The following AGAP1 variants were observed in gnomAD, a reference collection of about 807,000 sequenced individuals.
AGAP1 encodes the protein ArfGAP with GTPase domain, ankyrin repeat and PH domain 1, also known as arf-GAP with GTPase, ANK repeat and PH domain-containing protein 1.
A neutral mutation model predicts 105.3 loss-of-function variants in AGAP1; 29 were observed. The ratio of observed to expected loss-of-function variants is 0.28; its 90% confidence interval spans 0.21 to 0.38. The LOEUF (loss-of-function observed/expected upper bound fraction) is 0.38. AGAP1 is among the 10% of genes least tolerant of loss of function. The pLI is 1.00. For missense variants in AGAP1, 998 were observed against 1,165.1 expected, an observed-to-expected ratio of 0.86 and a Z score of 2.09; for synonymous variants, 509 against 485.9, an observed-to-expected ratio of 1.05 and a Z score of -0.63.
chr2:235,715,739 C>A (rs1951068668), intron 2 of AGAP1, among the ~76,000 whole-genome samples: 1 of 152,064 alleles, frequency 6.6e-6, no homozygotes, highest in Admixed American at 6.5e-5. Flanking sequence ...AGAGAGAGGC[C>A]CTAGAGGCTG....
In AGAP1 at chr2:235,801,955, A is replaced by G. The variant is rs1957516479; in HGVS notation, c.957+2433A>G. ...CAGCACCTTCCCATCCCCTCCCTTT[A>G]TAAGCTCTGGAACTGCAGTGTGCCA... On this transcript the variant is annotated intron_variant, in intron 8 of 17. Coordinates refer to ENST00000304032, the MANE Select transcript of AGAP1 (RefSeq NM_001037131.3). The surrounding 1 kb of genome is among the most constrained non-coding windows in gnomAD (Gnocchi z 6.0). Among the ~76,000 whole-genome samples, 1 of 152,154 alleles carries G rather than the reference A, an allele frequency of 6.6e-6. No homozygotes were observed. The highest frequency in any genetic ancestry group is 2.4e-5 in the African/African-American group (1 of 41,440).
chr2:235,902,148 G>A (rs1001589784), intron 10 of AGAP1, among the ~76,000 whole-genome samples: 1 of 152,096 alleles, frequency 6.6e-6, no homozygotes, highest in African/African-American at 2.4e-5. Context: ...CTGGATTCTC[G>A]TATCTGCTTC....
chr2:235,638,475 C>T (rs1947084783), intron 1 of AGAP1, among the ~76,000 whole-genome samples: 1 of 152,188 alleles, frequency 6.6e-6, no homozygotes, highest in South Asian at 2.1e-4. Flanking sequence ...TTAAAATAAA[C>T]ATCACAATGG....
intron 1 of AGAP1, among the ~76,000 whole-genome samples, chr2:235,680,982 T>G (rs766729706): frequency 1.6e-4 from 25 of 152,114 alleles, no homozygotes; most frequent in Non-Finnish European, 3.5e-4. Context: ...GCTGGGCAGT[T>G]TGCTGGCCTC....
At chr2:235,816,502 A>C (rs1958467926) in intron 9 of AGAP1, among the ~76,000 whole-genome samples, 1 of 151,682 alleles carries the variant, frequency 6.6e-6, no homozygotes, top group East Asian at 1.9e-4. Context: ...CAGACTTAGG[A>C]GGCCTTTCAC....
rs182362058 is a variant in AGAP1, at chr2:235,888,064, C to A, written c.1155+4615C>A. 3.3e-4 allele frequency among the ~76,000 whole-genome samples: 51 copies of A among 152,298 alleles called. 1 individual carries two copies. The East Asian group carries it at 9.1e-3, about 27-fold the overall frequency. On this transcript the variant is annotated intron_variant, in intron 10 of 17. Transcript: ENST00000304032. This position sits in a 1 kb window ranked among gnomAD's most constrained non-coding sequence, Gnocchi z 4.8. ...ACGTAAGGCTGCGCCCTGGTGCCAC[C>A]ACCAGCCTCCTTCCATTTGCTTATC...
chr2:235,512,095 G>GTGTGTGTGAGTA (rs1553555065), intron 1 of AGAP1, among the ~76,000 whole-genome samples: 7,406 of 143,574 alleles, frequency 0.052, 177 homozygotes, highest in Middle Eastern at 0.17. Flanking sequence ...GTGAATGTGT[G>GTGTGTGTGAGTA]TGTGTGTGAA....
intron 10 of AGAP1, among the ~76,000 whole-genome samples, chr2:235,884,597 C>T (rs1207120350): frequency 1.3e-5 from 2 of 151,640 alleles, no homozygotes. Context: ...ATTACAGGTG[C>T]CTGCCACCAT....
rs573881498 is a variant in AGAP1, at chr2:235,744,210, C to T, written c.397-488C>T. Among the ~76,000 whole-genome samples, 11 of 152,220 alleles carry T rather than the reference C, an allele frequency of 7.2e-5. No homozygotes were observed. The highest frequency in any genetic ancestry group is 1.0e-4 in the Non-Finnish European group (7 of 68,022). Reference sequence around the variant, plus strand: ...TTACCCTTCAACAGAGTAGGCCAGCCGCTGCGGTAGCGAGTGGGAAGGACT... The same window carrying T: ...TTACCCTTCAACAGAGTAGGCCAGCTGCTGCGGTAGCGAGTGGGAAGGACT... On this transcript the variant is annotated intron_variant, in intron 4 of 17. Transcript: ENST00000304032. This position sits in a 1 kb window ranked among gnomAD's most constrained non-coding sequence, Gnocchi z 5.2.
chr2:236,091,130 G>T (rs1212945621), intron 16 of AGAP1, among the ~76,000 whole-genome samples: 1 of 152,210 alleles, frequency 6.6e-6, no homozygotes, highest in African/African-American at 2.4e-5. Context: ...ACGTGCATGC[G>T]TGTTTGCATA....
chr2:235,775,077 G>A (rs1041239057), intron 6 of AGAP1, among the ~76,000 whole-genome samples: 7 of 152,184 alleles, frequency 4.6e-5, no homozygotes, highest in African/African-American at 1.7e-4. Context: ...AGGACTGGGT[G>A]AACAGAAGGG....
rs1035077849 is a variant in AGAP1, at chr2:235,962,350, T to G, written c.1484-6112T>G. The stretch of plus-strand genomic sequence containing the variant: ...GGCTGGAAGTCAGTGAAGTTGGGGC[T>G]TCCTACTCAGGAGAGATGGTGGGAG... On this transcript the variant is annotated intron_variant, in intron 12 of 17. Coordinates refer to ENST00000304032, the MANE Select transcript of AGAP1 (RefSeq NM_001037131.3). This position sits in a 1 kb window ranked among gnomAD's most constrained non-coding sequence, Gnocchi z 5.3. 2.0e-5 allele frequency among the ~76,000 whole-genome samples: 3 copies of G among 152,106 alleles called. No individual in the cohort carries two copies. The highest frequency in any genetic ancestry group is 4.8e-5 in the African/African-American group (2 of 41,418).
rs1952597481 is a variant in AGAP1, at chr2:235,741,736, T to C, written c.396+688T>C. ...TTATTGTTGTTGTTGTTATTATTAT[T>C]ATTGTTATTTTTTATTATTTATTTA... On this transcript the variant is annotated intron_variant, in intron 4 of 17. Transcript: ENST00000304032. This position sits in a 1 kb window ranked among gnomAD's most constrained non-coding sequence, Gnocchi z 4.9. Among the ~76,000 whole-genome samples the C allele has an allele frequency of 6.6e-6, 1 of 150,796 alleles. No individual in the cohort carries two copies. The highest frequency in any genetic ancestry group is 1.5e-5 in the Non-Finnish European group (1 of 67,836).
In AGAP1 at chr2:235,960,904, G is replaced by A. The variant is rs933139404; in HGVS notation, c.1484-7558G>A. On this transcript the variant is annotated intron_variant, in intron 12 of 17. Transcript: ENST00000304032. This position sits in a 1 kb window ranked among gnomAD's most constrained non-coding sequence, Gnocchi z 4.9. ...AGTGGTTTGGCACAAAAGCGTGCTT[G>A]TGGCTGGTTTTAAAACTAAGTCGCG... Among the ~76,000 whole-genome samples, 2 of 152,232 alleles carry A rather than the reference G, an allele frequency of 1.3e-5. No individual in the cohort carries two copies. Among genetic ancestry groups the A allele is most frequent in the Non-Finnish European group, 1.5e-5 (1 of 68,042 alleles).
At chr2:235,653,499 T>TAAA (rs1483953992) in intron 1 of AGAP1, among the ~76,000 whole-genome samples, 19 of 130,356 alleles carry the variant, frequency 1.5e-4, no homozygotes, top group African/African-American at 4.8e-4. Flanking sequence ...TAAAATAAAA[T>TAAA]ATAACATAAC....
Position 236,036,204 on chromosome 2 carries a change from AAC to A in AGAP1, c.1646-356_1646-355del, listed in dbSNP as rs1428512756. ...CCTGCAGCCGGAGATTAGCGGCCCT[AAC>A]TTAATTTTCGTCCCACAGATAAGGA... On this transcript the variant is annotated intron_variant, in intron 13 of 17. Transcript: ENST00000304032. The surrounding 1 kb of genome is among the most constrained non-coding windows in gnomAD (Gnocchi z 5.7). Among the ~76,000 whole-genome samples the A allele has an allele frequency of 2.0e-5, 3 of 152,148 alleles. No individual in the cohort carries two copies. Among genetic ancestry groups the A allele is most frequent in the Non-Finnish European group, 4.4e-5 (3 of 68,026 alleles).
At chr2:236,013,667 T>C (rs1269837592) in intron 13 of AGAP1, among the ~76,000 whole-genome samples, 1 of 152,186 alleles carries the variant, frequency 6.6e-6, no homozygotes, top group Non-Finnish European at 1.5e-5. Context: ...CTGGTTTCTC[T>C]TCCTGCCTGT....
rs770622804 is a variant in AGAP1 at position 235,789,012 on chromosome 2, G to A, written c.674-8747G>A. On this transcript the variant is annotated intron_variant, in intron 6 of 17. Coordinates refer to ENST00000304032, the MANE Select transcript of AGAP1 (RefSeq NM_001037131.3). This position sits in a 1 kb window ranked among gnomAD's most constrained non-coding sequence, Gnocchi z 4.2. ...AGACATTCCTGATTTTTGGCAGCTC[G>A]ACTTTGGGATTAAATGTTAAGGAAC... is the stretch of plus-strand genomic sequence containing the variant. Among the ~76,000 whole-genome samples the A allele has an allele frequency of 1.3e-5, 2 of 152,178 alleles. No individual in the cohort carries two copies. Among genetic ancestry groups the A allele is most frequent in the East Asian group, 3.9e-4 (2 of 5,190 alleles).
rs960889444 is a variant in AGAP1 at position 235,877,515 on chromosome 2, G to A, written c.1051-5830G>A. On this transcript the variant is annotated intron_variant, in intron 9 of 17. Coordinates refer to ENST00000304032, the MANE Select transcript of AGAP1 (RefSeq NM_001037131.3). This position sits in a 1 kb window ranked among gnomAD's most constrained non-coding sequence, Gnocchi z 4.3. ...GAAATCGTTTCGTGTACAGCATGCG[G>A]TGCCTTCCCCGGGGGTTAACTTGTT... Among the ~76,000 whole-genome samples, 3 of 152,112 alleles carry A rather than the reference G, an allele frequency of 2.0e-5. No homozygotes were observed. In the South Asian group the frequency reaches 6.2e-4, roughly 32 times the overall value.
Sources: gnomAD v4.1 joint callset for allele counts (sites outside exome capture counted in the v4.1 genomes callset) on GRCh38, gnomAD v4.1.1 for gene constraint, Gnocchi (gnomAD v3.1) non-coding constraint, MANE v1.5 for transcripts, NCBI Gene and HGNC (gene_info 2026-07-23, HGNC 2026-07-21) for gene names.